Variants in AFF1 observed in about 807,000 individuals in gnomAD.
The protein encoded by AFF1 is AF4/FMR2 family member 1.
AFF1 carries 48 observed loss-of-function variants against 121.7 expected under a neutral mutation model. The ratio of observed to expected loss-of-function variants is 0.39; its 90% CI spans 0.31 to 0.50. The LOEUF (loss-of-function observed/expected upper bound fraction) is 0.50, where lower values mean the gene tolerates loss of function less well. AFF1 is among the 20% of genes least tolerant of loss of function. The probability of loss-of-function intolerance (pLI) is 0.76; values close to 1 mark genes in which losing one functional copy is unlikely to be tolerated. For synonymous variants in AFF1, 613 were observed against 563.0 expected (o/e 1.09, Z -1.26); for missense variants, 1,523 against 1,511.7 (o/e 1.01, Z -0.12).
At chr4:86,980,301 G>A (rs750891938) in intron 2 of AFF1, among the ~76,000 whole-genome samples, 12 of 152,158 alleles carry the variant, frequency 7.9e-5, no homozygotes, top group Non-Finnish European at 1.6e-4. Context: ...TAGCAAAAGA[G>A]TGGAAAAATC....
rs193195904 is a variant in AFF1, at chr4:86,988,244, C to A, written c.38+39673C>A. Among the ~76,000 whole-genome samples, 6 of 152,208 alleles carry A rather than the reference C, an allele frequency of 3.9e-5. No individual in the cohort carries two copies. In the East Asian group the frequency reaches 1.2e-3, roughly 29 times the overall value. On this transcript the variant is annotated intron_variant, in intron 2 of 20. Transcript: ENST00000395146. ...TATAATAAGTTATTAACTATAGTCA[C>A]CCTACTGTGCTATCAAACACTAGAA...
At chr4:87,060,279 G>A (rs150149195) in intron 4 of AFF1, among the ~76,000 whole-genome samples, 13 of 152,240 alleles carry the variant, frequency 8.5e-5, no homozygotes, top group African/African-American at 3.1e-4. Context: ...TGCTATAAAA[G>A]TTGGAAGTTT....
intron 10 of AFF1, among the ~76,000 whole-genome samples, chr4:87,107,855 G>A (rs1726077658): frequency 6.6e-6 from 1 of 152,180 alleles, no homozygotes; most frequent in Non-Finnish European, 1.5e-5. Context: ...CCTAGGCAAT[G>A]GTTTACCAAC....
chr4:86,985,812 A>G (rs1364357188), intron 2 of AFF1, among the ~76,000 whole-genome samples: 1 of 152,116 alleles, frequency 6.6e-6, no homozygotes, highest in African/African-American at 2.4e-5. Context: ...AGTTTTTTGA[A>G]TAAGCTGTAA....
At chr4:86,979,220 C>T (rs924738009) in intron 2 of AFF1, among the ~76,000 whole-genome samples, 1 of 152,168 alleles carries the variant, frequency 6.6e-6, no homozygotes, top group Admixed American at 6.5e-5. Context: ...GCCTCAGCCT[C>T]CCGAGTAGCT....
intron 2 of AFF1, among the ~76,000 whole-genome samples, chr4:87,008,043 CT>C (rs1726347876): frequency 6.7e-6 from 1 of 150,080 alleles, no homozygotes; most frequent in South Asian, 2.1e-4. Flanking sequence ...GAAGCCCCGT[CT>C]TTCCATGGTT....
intron 5 of AFF1, 103 bp downstream of exon 5, chr4:87,084,267 G>C (rs1418358225): frequency 8.0e-7 from 1 of 1,248,616 alleles, no homozygotes; most frequent in African/African-American, 1.5e-5. Context: ...GGCTGGGTGC[G>C]GTGGCTCATG....
At chr4:86,984,265 C>G (rs571233598) in intron 2 of AFF1, among the ~76,000 whole-genome samples, 2 of 149,954 alleles carry the variant, frequency 1.3e-5, no homozygotes, top group East Asian at 3.9e-4. Flanking sequence ...TGGTCCTGCA[C>G]TATTTTTCAA....
At chr4:86,949,876 G>A (rs1721174546) in intron 2 of AFF1, 6 of 1,614,122 alleles carry the variant, frequency 3.7e-6, no homozygotes, top group African/African-American at 1.3e-5. Context: ...CCAGCAGGAA[G>A]AGCCACGTGA....
intron 5 of AFF1, among the ~76,000 whole-genome samples, chr4:87,087,649 G>T (rs1310697482): frequency 6.6e-6 from 1 of 152,208 alleles, no homozygotes; most frequent in Non-Finnish European, 1.5e-5. Flanking sequence ...AGTCCCTCTA[G>T]TAAGCTAGGC....
At chr4:86,947,031 A>G (rs1469484021) in intron 1 of AFF1, among the ~76,000 whole-genome samples, 1 of 152,174 alleles carries the variant, frequency 6.6e-6, no homozygotes, top group East Asian at 1.9e-4. Context: ...CTGCAAGTCA[A>G]GAGAGAGAAA....
intron 2 of AFF1, among the ~76,000 whole-genome samples, chr4:87,014,946 C>G (rs1417509981): frequency 1.3e-5 from 2 of 152,192 alleles, no homozygotes; most frequent in Non-Finnish European, 2.9e-5. Flanking sequence ...AATTGACAAA[C>G]TGTCTACCTT....
chr4:87,029,836 T>C (rs965746447), intron 2 of AFF1, among the ~76,000 whole-genome samples: 4 of 152,146 alleles, frequency 2.6e-5, no homozygotes, highest in Non-Finnish European at 5.9e-5. Context: ...TTGGAGGCAT[T>C]GTGAAAAGGT....
chr4:87,012,803 C>T (rs1726911074), intron 2 of AFF1, among the ~76,000 whole-genome samples: 1 of 152,090 alleles, frequency 6.6e-6, no homozygotes, highest in Non-Finnish European at 1.5e-5. Context: ...TAAAACCATG[C>T]AAATTGCTGA....
chr4:87,051,816 T>C (rs6531948), intron 4 of AFF1, among the ~76,000 whole-genome samples: 87,126 of 151,844 alleles, frequency 0.57, 27,375 homozygotes, highest in African/African-American at 0.86. Context: ...CTGTAGTAGG[T>C]TCTTGATGAT....
rs1325796813 is a variant in AFF1, at chr4:86,951,619, TTTTC to T, written c.38+3052_38+3055del. Among the ~76,000 whole-genome samples, 290 of 32,954 alleles carry T rather than the reference TTTTC, an allele frequency of 8.8e-3. 5 individuals carry two copies. Among genetic ancestry groups the T allele is most frequent in the African/African-American group, 0.013 (254 of 18,820 alleles). 21.6% of individuals were successfully genotyped at this position (32,954 alleles called of 152,430 possible). A position where few individuals can be genotyped will look rare whatever the true frequency, so the allele number is the denominator to read the frequency against. On this transcript the variant is annotated intron_variant, in intron 2 of 20. Coordinates refer to ENST00000395146, the MANE Select transcript of AFF1 (RefSeq NM_001166693.3). ...TTTTTTTTCTTTTTCTTTTTTCTTT[TTTTC>T]TTTTTTTTTTTTTTTTTTGAGACGG...
At position 87,007,528 on chromosome 4, in the gene AFF1, C is replaced by T. The variant is rs554054037; in HGVS notation, c.39-38638C>T. ...GGGGAAGGAGACGGACAGGAAGCAG[C>T]TTTGTCATTGCCTTCTCATCATTCC... On this transcript the variant is annotated intron_variant, in intron 2 of 20. Coordinates refer to ENST00000395146, the MANE Select transcript of AFF1 (RefSeq NM_001166693.3). 4.8e-6 allele frequency: 7 copies of T among 1,463,602 alleles called. No homozygotes were observed. In the African/African-American group the frequency reaches 9.7e-5, roughly 20 times the overall value. The allele number at this position is 1,463,602 out of a possible 1,614,324, so 90.7% of individuals were successfully genotyped here. A position where few individuals can be genotyped will look rare whatever the true frequency, so the allele number is the denominator to read the frequency against.
At chr4:87,092,751 C>G (rs1182418133) in intron 7 of AFF1, among the ~76,000 whole-genome samples, 2 of 152,134 alleles carry the variant, frequency 1.3e-5, no homozygotes, top group Non-Finnish European at 2.9e-5. Context: ...AAAATTTCCC[C>G]AAAATGCAGA....
intron 2 of AFF1, among the ~76,000 whole-genome samples, chr4:87,036,153 CATAA>C (rs1479996451): frequency 1.3e-5 from 2 of 152,118 alleles, no homozygotes; most frequent in Non-Finnish European, 2.9e-5. Context: ...AAAGGGGAGA[CATAA>C]ATAACTAGTC....
Sources: gnomAD v4.1 joint callset for allele counts (sites outside exome capture counted in the v4.1 genomes callset) on GRCh38, gnomAD v4.1.1 for gene constraint, MANE v1.5 for transcripts, NCBI Gene and HGNC (gene_info 2026-07-23, HGNC 2026-07-21) for gene names.